Variants in GRIN2A observed in about 807,000 individuals in gnomAD.
The protein encoded by GRIN2A is glutamate receptor ionotropic, NMDA 2A.
Under a neutral mutation model 113.4 loss-of-function variants are expected in GRIN2A, and 22 were observed. That is an observed-to-expected ratio of 0.19 (90% CI 0.14 to 0.28). The LOEUF (loss-of-function observed/expected upper bound fraction) is 0.28, where lower values mean the gene tolerates loss of function less well. GRIN2A is among the 10% of genes least tolerant of loss of function. The pLI is 1.00. For synonymous variants in GRIN2A, 827 were observed against 738.4 expected, an observed-to-expected ratio of 1.12 and a Z score of -1.94; for missense variants, 1,502 against 1,887.0, an observed-to-expected ratio of 0.80 and a Z score of 3.78.
chr16:10,078,609 G>A (rs1166968260), intron 2 of GRIN2A, among the ~76,000 whole-genome samples: 1 of 152,142 alleles, frequency 6.6e-6, no homozygotes, highest in African/African-American at 2.4e-5. Flanking sequence ...ATGTCCCCAT[G>A]GAGAATGCAG....
chr16:10,065,424 C>G (rs2047630825), intron 2 of GRIN2A, among the ~76,000 whole-genome samples: 2 of 152,200 alleles, frequency 1.3e-5, no homozygotes, highest in Non-Finnish European at 2.9e-5. Flanking sequence ...CCACAGGAGT[C>G]TCTCAACTTC....
chr16:9,969,399 C>G (rs1376695663), intron 2 of GRIN2A, among the ~76,000 whole-genome samples: 1 of 152,174 alleles, frequency 6.6e-6, no homozygotes, highest in Non-Finnish European at 1.5e-5. Context: ...CCCCAAGGCT[C>G]TGTGTTGCAT....
intron 3 of GRIN2A, among the ~76,000 whole-genome samples, chr16:9,907,978 T>C (rs1225344433): frequency 6.6e-6 from 1 of 152,164 alleles, no homozygotes; most frequent in Non-Finnish European, 1.5e-5. Context: ...GACCATTTGC[T>C]GAATGAGCAG....
intron 2 of GRIN2A, among the ~76,000 whole-genome samples, chr16:9,989,835 T>C (rs1221734532): frequency 6.6e-6 from 1 of 152,132 alleles, no homozygotes; most frequent in Non-Finnish European, 1.5e-5. Flanking sequence ...TACAGTGAGA[T>C]ACCATCTCAC....
At chr16:10,062,476 A>G (rs1052205516) in intron 2 of GRIN2A, among the ~76,000 whole-genome samples, 5 of 152,184 alleles carry the variant, frequency 3.3e-5, no homozygotes, top group African/African-American at 9.7e-5. Context: ...CTCCAGACCT[A>G]ATGAAACAAA....
At chr16:9,981,611 T>C (rs962997956) in intron 2 of GRIN2A, among the ~76,000 whole-genome samples, 1 of 152,182 alleles carries the variant, frequency 6.6e-6, no homozygotes, top group African/African-American at 2.4e-5. Context: ...AGTCAAGGAC[T>C]CCTTTTTACA....
chr16:10,145,256 C>T (rs1169915203), intron 2 of GRIN2A, among the ~76,000 whole-genome samples: 2 of 152,168 alleles, frequency 1.3e-5, no homozygotes, highest in African/African-American at 4.8e-5. Context: ...TGCTGGACAA[C>T]ATAGTGTCTA....
At chr16:9,786,556 G>A (rs562843821) in intron 11 of GRIN2A, among the ~76,000 whole-genome samples, 1 of 152,200 alleles carries the variant, frequency 6.6e-6, no homozygotes, top group African/African-American at 2.4e-5. Flanking sequence ...AAGGAGCACT[G>A]ACTCTGGGGT....
intron 2 of GRIN2A, among the ~76,000 whole-genome samples, chr16:10,142,273 G>A (rs936134074): frequency 1.3e-5 from 2 of 152,200 alleles, no homozygotes; most frequent in African/African-American, 4.8e-5. Context: ...AAGGTTAGCT[G>A]CAGCACACAG....
At chr16:10,019,922 T>G (rs938775431) in intron 2 of GRIN2A, among the ~76,000 whole-genome samples, 9 of 152,326 alleles carry the variant, frequency 5.9e-5, no homozygotes, top group African/African-American at 2.2e-4. Context: ...AGATCTTAAT[T>G]ATACTCACAC....
rs1555455852 is a variant in GRIN2A at position 9,938,551 on chromosome 16, C to A, written c.415G>T (p.Asp139Tyr). The part of the protein sequence containing the change: ...GGASMIMADK[D>Y]PTSTFFQFGA... Reference sequence around the variant, plus strand: ...AACTGGAAGAAGGTAGACGTCGGATCCTGCCAGTGAAAAGAAAGTAAAACA... The same window carrying A: ...AACTGGAAGAAGGTAGACGTCGGATACTGCCAGTGAAAAGAAAGTAAAACA... The change falls in exon 3 of 13, where the codon GAT becomes TAT. Residue 139 changes from aspartate to tyrosine, a missense_variant and splice_region_variant. This residue lies in a region of GRIN2A where 334 missense variants were observed against 403.0 expected (regional missense o/e 0.83). Coordinates refer to ENST00000330684, the MANE Select transcript of GRIN2A (RefSeq NM_001134407.3). 6.2e-7 allele frequency: 1 copy of A among 1,601,542 alleles called. No individual in the cohort carries two copies. Among genetic ancestry groups the A allele is most frequent in the Non-Finnish European group, 8.5e-7 (1 of 1,179,126 alleles).
At chr16:9,960,277 G>C (rs1210798501) in intron 2 of GRIN2A, among the ~76,000 whole-genome samples, 1 of 152,180 alleles carries the variant, frequency 6.6e-6, no homozygotes. Context: ...ACATGAAAAA[G>C]TTGGATATAA....
intron 4 of GRIN2A, among the ~76,000 whole-genome samples, chr16:9,862,458 C>T (rs561912363): frequency 2.0e-5 from 3 of 152,222 alleles, no homozygotes; most frequent in East Asian, 1.9e-4. Flanking sequence ...ATGAACAACC[C>T]GCATCTCTGC....
intron 3 of GRIN2A, among the ~76,000 whole-genome samples, chr16:9,898,992 C>G (rs1253818247): frequency 6.6e-6 from 1 of 152,124 alleles, no homozygotes; most frequent in Non-Finnish European, 1.5e-5. Context: ...CCTCCTCCTT[C>G]TCTTCTTCCT....
At position 10,081,298 on chromosome 16, in the gene GRIN2A, T is replaced by G. The variant is rs895224505; in HGVS notation, c.414+98700A>C. ...AATTCCACTTGCCTGGTTTCCTTTG[T>G]TCTCAAACTCTGCCTGGAGATGAAG... On this transcript the variant is annotated intron_variant, in intron 2 of 12. Transcript: ENST00000330684. Among the ~76,000 whole-genome samples the G allele has an allele frequency of 2.0e-5, 3 of 152,186 alleles. No individual in the cohort carries two copies. The East Asian group carries it at 5.8e-4, about 29-fold the overall frequency.
chr16:10,176,549 G>A (rs886237900), intron 2 of GRIN2A, among the ~76,000 whole-genome samples: 11 of 152,224 alleles, frequency 7.2e-5, no homozygotes, highest in Admixed American at 1.3e-4. Context: ...GTCCTTTGTA[G>A]GCACACGGAT....
intron 2 of GRIN2A, among the ~76,000 whole-genome samples, chr16:10,159,463 A>G (rs1164189413): frequency 6.6e-6 from 1 of 152,206 alleles, no homozygotes; most frequent in Non-Finnish European, 1.5e-5. Flanking sequence ...ACTAAGGACT[A>G]TATCTAGAGA....
intron 2 of GRIN2A, chr16:10,037,302 TG>T (rs1567251471): frequency 6.6e-6 from 1 of 152,234 alleles, no homozygotes; most frequent in Non-Finnish European, 1.5e-5. Context: ...GTTGTATAAC[TG>T]CATTCCATTG....
intron 2 of GRIN2A, chr16:10,111,734 C>A: frequency 2.6e-6 from 4 of 1,531,674 alleles, no homozygotes; most frequent in Non-Finnish European, 3.6e-6. Flanking sequence ...ATCACGGACC[C>A]CGTGGTGCTG....
Sources: allele counts gnomAD v4.1 joint callset (sites outside exome capture counted in the v4.1 genomes callset), GRCh38; gene constraint gnomAD v4.1.1; regional missense constraint gnomAD v4.1.1; transcripts MANE v1.5; gene names NCBI Gene and HGNC (gene_info 2026-07-23, HGNC 2026-07-21).